The following MCC variants were observed in gnomAD, a reference collection of about 807,000 sequenced individuals.
The protein encoded by MCC is MCC regulator of Wnt signaling pathway.
A neutral mutation model predicts 116.2 loss-of-function variants in MCC; 90 were observed. That is an observed-to-expected ratio of 0.77 (90% CI 0.65 to 0.92). The LOEUF (loss-of-function observed/expected upper bound fraction) is 0.92. Among genes scored for constraint, MCC ranks in the 40% least tolerant of loss-of-function variants. The pLI is 0.00. For synonymous variants in MCC, 578 were observed against 510.5 expected, an observed-to-expected ratio of 1.13 and a Z score of -1.78; for missense variants, 1,516 against 1,312.2, an observed-to-expected ratio of 1.16 and a Z score of -2.40.
chr5:113,037,837 T>C (rs1751422862), intron 17 of MCC, among the ~76,000 whole-genome samples: 1 of 152,130 alleles, frequency 6.6e-6, no homozygotes, highest in Non-Finnish European at 1.5e-5. Flanking sequence ...CTTGGAAAGA[T>C]GAATTGTCCA....
chr5:113,274,947 A>G (rs1461490078), intron 3 of MCC, among the ~76,000 whole-genome samples: 2 of 152,220 alleles, frequency 1.3e-5, no homozygotes, highest in Non-Finnish European at 2.9e-5. Flanking sequence ...CACCTCCTGC[A>G]CCATGCCTAG....
intron 3 of MCC, among the ~76,000 whole-genome samples, chr5:113,267,904 T>A (rs920781159): frequency 1.3e-5 from 2 of 152,238 alleles, no homozygotes; most frequent in Non-Finnish European, 2.9e-5. Context: ...TATTTATATG[T>A]CTTATAAAAA....
intron 5 of MCC, among the ~76,000 whole-genome samples, chr5:113,136,969 T>C (rs1275429333): frequency 6.6e-6 from 1 of 152,200 alleles, no homozygotes; most frequent in Admixed American, 6.5e-5. Context: ...TTTTTCCCCC[T>C]TCACTATGAT....
At chr5:113,107,407 G>A (rs1425703000) in intron 6 of MCC, among the ~76,000 whole-genome samples, 4 of 151,912 alleles carry the variant, frequency 2.6e-5, no homozygotes, top group African/African-American at 7.2e-5. Flanking sequence ...TAGTGGAGAC[G>A]GGGTTTCACC....
Position 113,033,141 on chromosome 5 carries a change from C to T in MCC, c.2757-4085G>A, listed in dbSNP as rs781326703. 4.6e-5 allele frequency among the ~76,000 whole-genome samples: 7 copies of T among 152,194 alleles called. No homozygotes were observed. The South Asian group carries it at 1.0e-3, about 23-fold the overall frequency. On this transcript the variant is annotated intron_variant, in intron 17 of 18. Coordinates refer to ENST00000408903, the MANE Select transcript of MCC (RefSeq NM_001085377.2). ...AAGAACCCTCTCTTGGGGTCTGGAT[C>T]GGTAATATTTTCCAGTAACAGCATT...
rs1384660287 is a variant in MCC, at chr5:113,334,314, C to T, written c.627+6205G>A. On this transcript the variant is annotated intron_variant, in intron 3 of 18. Transcript: ENST00000408903. ...CTTTCACCTCCCGAGCTCAAGTGAT[C>T]CTCCCACTTCAGCCTCCCAAGTAGC... is the stretch of plus-strand genomic sequence containing the variant. Among the ~76,000 whole-genome samples, 5 of 147,970 alleles carry T rather than the reference C, an allele frequency of 3.4e-5. No individual in the cohort carries two copies. In the East Asian group the frequency reaches 1.0e-3, roughly 31 times the overall value.
intron 3 of MCC, among the ~76,000 whole-genome samples, chr5:113,186,340 T>TACACCCC (rs148256277): frequency 6.6e-6 from 1 of 152,294 alleles, no homozygotes; most frequent in Non-Finnish European, 1.5e-5. Flanking sequence ...CAGTCTCCCT[T>TACACCCC]ACACCCCCTC....
chr5:113,245,663 T>C (rs1383349804), intron 3 of MCC, among the ~76,000 whole-genome samples: 3 of 152,168 alleles, frequency 2.0e-5, no homozygotes, highest in Non-Finnish European at 2.9e-5. Flanking sequence ...CTAGAGAATA[T>C]AAGGCTTCTC....
At chr5:113,063,525 T>C (rs1047767895) in intron 14 of MCC, among the ~76,000 whole-genome samples, 1 of 152,190 alleles carries the variant, frequency 6.6e-6, no homozygotes, top group African/African-American at 2.4e-5. Context: ...GAAGAGCTTA[T>C]AGACGATGGA....
At chr5:113,105,540 C>T (rs887261451) in intron 6 of MCC, among the ~76,000 whole-genome samples, 27 of 152,236 alleles carry the variant, frequency 1.8e-4, no homozygotes, top group African/African-American at 6.5e-4. Flanking sequence ...TCTCCCATCT[C>T]CATGAATGGC....
chr5:113,379,160 T>C (rs1476105081), intron 2 of MCC, among the ~76,000 whole-genome samples: 1 of 152,160 alleles, frequency 6.6e-6, no homozygotes, highest in East Asian at 1.9e-4. Flanking sequence ...GCAGTGTTAT[T>C]TTCAGTTTGC....
intron 3 of MCC, among the ~76,000 whole-genome samples, chr5:113,275,394 T>C (rs544943614): frequency 1.3e-5 from 2 of 152,334 alleles, no homozygotes; most frequent in East Asian, 3.9e-4. Context: ...GTAATAATTT[T>C]GTCATTATTT....
At chr5:113,487,974 G>A (rs556733160) in intron 1 of MCC, among the ~76,000 whole-genome samples, 151 of 152,294 alleles carry the variant, frequency 9.9e-4, no homozygotes, top group African/African-American at 3.6e-3. Context: ...GCCCCCGGAA[G>A]AGTGCGCATC....
Position 113,290,868 on chromosome 5 carries a change from T to A in MCC, c.627+49651A>T, listed in dbSNP as rs113122882. Among the ~76,000 whole-genome samples, 786 of 151,608 alleles carry A rather than the reference T, an allele frequency of 5.2e-3. 8 individuals carry two copies. Among genetic ancestry groups the A allele is most frequent in the African/African-American group, 0.011 (441 of 41,380 alleles). ...TGAAGTCCTTCCTTAATCTCAATTTTAAAAAAAAATCCCTTCAAATCTTTA... is the reference window on the plus strand; with the variant it reads ...TGAAGTCCTTCCTTAATCTCAATTTAAAAAAAAAATCCCTTCAAATCTTTA... On this transcript the variant is annotated intron_variant, in intron 3 of 18. Coordinates refer to ENST00000408903, the MANE Select transcript of MCC (RefSeq NM_001085377.2).
intron 3 of MCC, among the ~76,000 whole-genome samples, chr5:113,260,011 T>C (rs1285010384): frequency 2.0e-5 from 3 of 152,054 alleles, no homozygotes; most frequent in Non-Finnish European, 4.4e-5. Context: ...ATTTGTTGAT[T>C]AACAAATATT....
chr5:113,082,565 CGTT>C, intron 11 of MCC, among the ~76,000 whole-genome samples: 1 of 152,330 alleles, frequency 6.6e-6, no homozygotes, highest in East Asian at 1.9e-4. Flanking sequence ...AAGTGGGGTC[CGTT>C]GTTTAACAAT....
intron 1 of MCC, chr5:113,433,701 G>A (rs553417842): frequency 1.8e-5 from 28 of 1,584,552 alleles, no homozygotes; most frequent in South Asian, 9.4e-5. Context: ...GCTTTAAGCC[G>A]TGAGCTCCAT....
At chr5:113,239,714 T>C (rs1764290557) in intron 3 of MCC, among the ~76,000 whole-genome samples, 1 of 152,204 alleles carries the variant, frequency 6.6e-6, no homozygotes, top group Non-Finnish European at 1.5e-5. Flanking sequence ...AGTCTAAGCC[T>C]GGGGTGCTTA....
intron 1 of MCC, among the ~76,000 whole-genome samples, chr5:113,414,919 T>C (rs541885165): frequency 3.4e-4 from 52 of 152,296 alleles, no homozygotes; most frequent in Admixed American, 1.2e-3. Context: ...TGTTCCTTTC[T>C]TTCTTTAGTG....
Sources: gnomAD v4.1 joint callset for allele counts (sites outside exome capture counted in the v4.1 genomes callset) on GRCh38, gnomAD v4.1.1 for gene constraint, MANE v1.5 for transcripts, NCBI Gene and HGNC (gene_info 2026-07-23, HGNC 2026-07-21) for gene names.